The following RPS6KC1 variants were observed in gnomAD, a reference collection of about 807,000 sequenced individuals.
RPS6KC1 encodes the protein ribosomal protein S6 kinase C1.
RPS6KC1 carries 54 observed loss-of-function variants against 103.8 expected under a neutral mutation model. The observed-to-expected ratio is 0.52, with a 90% CI of 0.42 to 0.65. The LOEUF (loss-of-function observed/expected upper bound fraction) is 0.65. Among genes scored for constraint, RPS6KC1 ranks in the 30% least tolerant of loss-of-function variants. The pLI is 0.00. For synonymous variants in RPS6KC1, 439 were observed against 438.7 expected (o/e 1.00, Z -0.01); for missense variants, 1,151 against 1,253.8 (o/e 0.92, Z 1.24).
At chr1:213,782,450 A>C in the RPS6KC1 span, among the ~76,000 whole-genome samples, 2 of 152,152 alleles carry the variant, frequency 1.3e-5, no homozygotes, top group African/African-American at 2.4e-5. Flanking sequence ...ACACCATTCC[A>C]GGGAACTTGA....
At chr1:213,343,432 T>TACAC in the RPS6KC1 span, among the ~76,000 whole-genome samples, 482 of 67,618 alleles carry the variant, frequency 7.1e-3, 17 homozygotes, top group African/African-American at 0.022. Flanking sequence ...TATATATATA[T>TACAC]ATATATATAC....
the RPS6KC1 span, among the ~76,000 whole-genome samples, chr1:213,449,952 C>T: frequency 1.3e-5 from 2 of 152,184 alleles, no homozygotes; most frequent in Non-Finnish European, 2.9e-5. Flanking sequence ...ACACCCATTT[C>T]CCCACTCTTC....
the RPS6KC1 span, among the ~76,000 whole-genome samples, chr1:213,326,148 A>T: frequency 6.6e-6 from 1 of 152,010 alleles, no homozygotes; most frequent in South Asian, 2.1e-4. Context: ...AAATGATCTG[A>T]GTGTGATAGA....
intron 6 of RPS6KC1, among the ~76,000 whole-genome samples, chr1:213,151,199 G>A (rs2088787600): frequency 2.8e-5 from 4 of 141,236 alleles, no homozygotes; most frequent in Admixed American, 6.8e-5. Context: ...CCCGGATGGG[G>A]CGGCTGGCCA....
At chr1:213,323,010 C>T in the RPS6KC1 span, among the ~76,000 whole-genome samples, 5 of 149,572 alleles carry the variant, frequency 3.3e-5, no homozygotes, top group East Asian at 2.0e-4. Context: ...GTGATCCACC[C>T]GCCTCGGCCT....
chr1:213,063,247 A>G (rs369853864), intron 1 of RPS6KC1, among the ~76,000 whole-genome samples: 1 of 152,238 alleles, frequency 6.6e-6, no homozygotes, highest in Admixed American at 6.5e-5. Context: ...TGTAATGCCT[A>G]TAGGCATTTT....
chr1:213,568,967 T>A, the RPS6KC1 span, among the ~76,000 whole-genome samples: 1 of 152,120 alleles, frequency 6.6e-6, no homozygotes, highest in East Asian at 1.9e-4. Flanking sequence ...AGCAGCACCA[T>A]CAGGCCTGAG....
At chr1:213,147,510 G>A (rs2088015809) in intron 6 of RPS6KC1, among the ~76,000 whole-genome samples, 1 of 152,178 alleles carries the variant, frequency 6.6e-6, no homozygotes, top group South Asian at 2.1e-4. Flanking sequence ...CACTGTAGGT[G>A]TGTGGATTTC....
chr1:213,240,786 C>A lies in RPS6KC1; in HGVS notation c.1310C>A (p.Thr437Lys). 1 of 1,613,896 alleles carries A rather than the reference C, an allele frequency of 6.2e-7. No homozygotes were observed. Among genetic ancestry groups the A allele is most frequent in the Non-Finnish European group, 8.5e-7 (1 of 1,179,862 alleles). The change falls in exon 11 of 15, where the codon ACA becomes AAA. Residue 437 changes from threonine (T) to lysine (K), a missense_variant. Coordinates refer to ENST00000366960, the MANE Select transcript of RPS6KC1 (RefSeq NM_012424.6). The part of the protein sequence containing the change: ...SFDIKEVKKP[T>K]LAKVHLQQPT... ...GACATCAAGGAAGTGAAAAAACCTACACTTGCAAAAGTTCACCTGCAGCAG... is the reference window on the plus strand; with the variant it reads ...GACATCAAGGAAGTGAAAAAACCTAAACTTGCAAAAGTTCACCTGCAGCAG...
chr1:213,614,726 G>A, the RPS6KC1 span, among the ~76,000 whole-genome samples: 1 of 152,174 alleles, frequency 6.6e-6, no homozygotes, highest in Non-Finnish European at 1.5e-5. Context: ...CTTGGAAGAA[G>A]TGTCCCACAC....
At chr1:213,246,052 T>C (rs1206769587) in intron 12 of RPS6KC1, among the ~76,000 whole-genome samples, 1 of 152,146 alleles carries the variant, frequency 6.6e-6, no homozygotes, top group Non-Finnish European at 1.5e-5. Context: ...CCATGGAGCT[T>C]TCTCTGGCTA....
intron 10 of RPS6KC1, 101 bp downstream of exon 10, chr1:213,232,356 C>G: frequency 2.1e-6 from 3 of 1,454,764 alleles, no homozygotes; most frequent in Non-Finnish European, 1.9e-6. Flanking sequence ...ATATGAAACA[C>G]GTTTAAGAAA....
chr1:213,546,651 C>T, the RPS6KC1 span, among the ~76,000 whole-genome samples: 1 of 151,984 alleles, frequency 6.6e-6, no homozygotes, highest in Non-Finnish European at 1.5e-5. Flanking sequence ...GCTGAAGCTG[C>T]ATTATTTTAA....
chr1:213,486,190 T>C, the RPS6KC1 span, among the ~76,000 whole-genome samples: 1 of 152,214 alleles, frequency 6.6e-6, no homozygotes, highest in Non-Finnish European at 1.5e-5. Context: ...TATACACATA[T>C]AACAAATATT....
At chr1:213,211,061 G>A (rs1573310142) in intron 8 of RPS6KC1, among the ~76,000 whole-genome samples, 1 of 152,334 alleles carries the variant, frequency 6.6e-6, no homozygotes, top group East Asian at 1.9e-4. Context: ...CAGTGAAATA[G>A]TTTACATCAG....
intron 8 of RPS6KC1, among the ~76,000 whole-genome samples, chr1:213,191,212 A>G (rs572697634): frequency 1.3e-5 from 2 of 152,328 alleles, no homozygotes; most frequent in African/African-American, 2.4e-5. Context: ...TAAAGATTGC[A>G]TTAAATCTGT....
chr1:213,440,659 G>A, the RPS6KC1 span, among the ~76,000 whole-genome samples: 23 of 146,516 alleles, frequency 1.6e-4, 1 homozygote, highest in Admixed American at 1.4e-3. Context: ...CACAAACCAA[G>A]TTCAAGCAAG....
chr1:213,292,072 G>A, the RPS6KC1 span, among the ~76,000 whole-genome samples: 2 of 151,992 alleles, frequency 1.3e-5, no homozygotes, highest in African/African-American at 4.8e-5. Flanking sequence ...GACACAGGAA[G>A]GGGAACATCA....
the RPS6KC1 span, among the ~76,000 whole-genome samples, chr1:213,508,544 G>A: frequency 1.7e-4 from 26 of 152,158 alleles, no homozygotes; most frequent in African/African-American, 5.8e-4. Flanking sequence ...GTGTGTGTGT[G>A]TATGTGTGTG....
Sources: allele counts gnomAD v4.1 joint callset (sites outside exome capture counted in the v4.1 genomes callset), GRCh38; gene constraint gnomAD v4.1.1; transcripts MANE v1.5; gene names NCBI Gene and HGNC (gene_info 2026-07-23, HGNC 2026-07-21).